The following PCDHGA1 variants were observed in gnomAD, a reference collection of about 807,000 sequenced individuals.
PCDHGA1 encodes protocadherin gamma-A1.
A neutral mutation model predicts 58.0 loss-of-function variants in PCDHGA1; 32 were observed. The ratio of observed to expected loss-of-function variants is 0.55; its 90% CI spans 0.42 to 0.74. The LOEUF (loss-of-function observed/expected upper bound fraction) is 0.74. Ranked by LOEUF, PCDHGA1 falls within the 30% of genes least tolerant of loss-of-function variation. The probability of loss-of-function intolerance (pLI) is 0.00; values close to 1 mark genes in which losing one functional copy is unlikely to be tolerated. For synonymous variants in PCDHGA1, 498 were observed against 501.1 expected (o/e 0.99, Z 0.08); for missense variants, 1,205 against 1,182.3 (o/e 1.02, Z -0.28).
At chr5:141,393,715 T>C in intron 1 of PCDHGA1, 1 of 1,613,746 alleles carries the variant, frequency 6.2e-7, no homozygotes, top group South Asian at 1.1e-5. Flanking sequence ...ACTGGGGAAA[T>C]ATCAATAGCA....
At position 141,491,117 on chromosome 5, in the gene PCDHGA1, G is replaced by A; in HGVS notation, c.2422-3690G>A. ...CTGTTCCTCGTGTCTACACACACTGGTGAGGTGCGCACAGCCCGGGCCTTA... is the reference window on the plus strand; with the variant it reads ...CTGTTCCTCGTGTCTACACACACTGATGAGGTGCGCACAGCCCGGGCCTTA... On this transcript the variant is annotated intron_variant, in intron 1 of 3. Coordinates refer to ENST00000517417, the MANE Select transcript of PCDHGA1 (RefSeq NM_018912.3). The surrounding 1 kb of genome is among the most constrained non-coding windows in gnomAD (Gnocchi z 6.9). 1 of 1,614,196 alleles carries A rather than the reference G, an allele frequency of 6.2e-7. No homozygotes were observed.
Position 141,476,755 on chromosome 5 carries a change from G to A in PCDHGA1, c.2422-18052G>A, listed in dbSNP as rs1307512875. The stretch of plus-strand genomic sequence containing the variant: ...AACGGGAGCCTAGTCTCCAGTTAGT[G>A]CTGACGGCGTTGGACGGAGGGACCC... On this transcript the variant is annotated intron_variant, in intron 1 of 3. Coordinates refer to ENST00000517417, the MANE Select transcript of PCDHGA1 (RefSeq NM_018912.3). This position sits in a 1 kb window ranked among gnomAD's most constrained non-coding sequence, Gnocchi z 7.6. 1.2e-6 allele frequency: 2 copies of A among 1,613,828 alleles called. No homozygotes were observed. Among genetic ancestry groups the A allele is most frequent in the Non-Finnish European group, 1.7e-6 (2 of 1,180,036 alleles).
chr5:141,489,275 A>C lies in PCDHGA1; in HGVS notation c.2422-5532A>C. On this transcript the variant is annotated intron_variant, in intron 1 of 3. Transcript: ENST00000517417. This position sits in a 1 kb window ranked among gnomAD's most constrained non-coding sequence, Gnocchi z 4.5. ...AAGACACTCCCACAGCTCGCTGGGA[A>C]ATGGCAAGTGCTGTGCATGTTGTCC... The C allele has an allele frequency of 4.5e-6, 7 of 1,556,298 alleles. No individual in the cohort carries two copies. Among genetic ancestry groups the C allele is most frequent in the Non-Finnish European group, 6.1e-6 (7 of 1,151,600 alleles).
intron 1 of PCDHGA1, chr5:141,379,151 G>A (rs1015357697): frequency 4.6e-5 from 7 of 152,166 alleles, no homozygotes; most frequent in Admixed American, 6.5e-5. Flanking sequence ...TTTGTAACCT[G>A]ACTTTGTCAG....
At chr5:141,375,926 G>T (rs1450226627) in intron 1 of PCDHGA1, 1 of 1,613,758 alleles carries the variant, frequency 6.2e-7, no homozygotes, top group South Asian at 1.1e-5. Flanking sequence ...CAGCGAGCCA[G>T]GACTTTTCTC....
chr5:141,440,883 T>C (rs1435173649), intron 1 of PCDHGA1: 4 of 152,178 alleles, frequency 2.6e-5, no homozygotes, highest in Non-Finnish European at 5.9e-5. Flanking sequence ...AGCGTCGGCC[T>C]TCAGGAAGAT....
At chr5:141,478,449 C>A in intron 1 of PCDHGA1, 1 of 1,613,540 alleles carries the variant, frequency 6.2e-7, no homozygotes. Context: ...AAACCTGGTG[C>A]AGCCAGTCCA....
chr5:141,493,346 C>T lies in PCDHGA1; in HGVS notation c.2422-1461C>T, dbSNP rs766845200. Among the ~76,000 whole-genome samples, 5 of 152,172 alleles carry T rather than the reference C, an allele frequency of 3.3e-5. No individual in the cohort carries two copies. Among genetic ancestry groups the T allele is most frequent in the Non-Finnish European group, 7.3e-5 (5 of 68,028 alleles). On this transcript the variant is annotated intron_variant, in intron 1 of 3. Coordinates refer to ENST00000517417, the MANE Select transcript of PCDHGA1 (RefSeq NM_018912.3). The surrounding 1 kb of genome is among the most constrained non-coding windows in gnomAD (Gnocchi z 4.3). Reference sequence around the variant, plus strand: ...CCCCTGTCTAACTCCAGAATGTGTGCTTTTAATTTCTTGGCACTTGGAACT... The same window carrying T: ...CCCCTGTCTAACTCCAGAATGTGTGTTTTTAATTTCTTGGCACTTGGAACT...
intron 1 of PCDHGA1, among the ~76,000 whole-genome samples, chr5:141,460,093 A>T (rs2098981983): frequency 6.6e-6 from 1 of 151,964 alleles, no homozygotes. Flanking sequence ...TAATAATTAT[A>T]CATGTAATTA....
intron 1 of PCDHGA1, chr5:141,355,806 C>G (rs1759989019): frequency 6.2e-7 from 1 of 1,613,258 alleles, no homozygotes; most frequent in East Asian, 2.2e-5. Flanking sequence ...CTCTAGATCG[C>G]GAGGAAGAGG....
chr5:141,455,856 TTTTATTA>T (rs1315325745), intron 1 of PCDHGA1, among the ~76,000 whole-genome samples: 1 of 146,240 alleles, frequency 6.8e-6, no homozygotes, highest in East Asian at 2.0e-4. Flanking sequence ...AAATAATTTC[TTTTATTA>T]TTTATTTATT....
At chr5:141,481,647 A>C (rs749515062) in intron 1 of PCDHGA1, among the ~76,000 whole-genome samples, 28 of 151,830 alleles carry the variant, frequency 1.8e-4, no homozygotes, top group African/African-American at 6.5e-4. Context: ...GTGAAACTTC[A>C]TCTCTACTAA....
intron 1 of PCDHGA1, among the ~76,000 whole-genome samples, chr5:141,456,584 A>G (rs990911693): frequency 6.6e-6 from 1 of 152,212 alleles, no homozygotes; most frequent in Non-Finnish European, 1.5e-5. Flanking sequence ...TGAGCCTGTC[A>G]ATAATTTTGA....
chr5:141,370,282 G>C (rs1485340521), intron 1 of PCDHGA1: 2 of 938,746 alleles, frequency 2.1e-6, no homozygotes, highest in East Asian at 2.6e-5. Context: ...ACACCCATTA[G>C]AGAACCCAAG....
chr5:141,482,767 A>AGCTAGTACTATAATTATTTTTATTAGTTC (rs1370824281), intron 1 of PCDHGA1, among the ~76,000 whole-genome samples: 2 of 150,588 alleles, frequency 1.3e-5, no homozygotes, highest in African/African-American at 2.5e-5. Context: ...TTTCATTATC[A>AGCTAGTACTATAATTATTTTTATTAGTTC]CTGAACCTTA....
At chr5:141,470,574 CA>C (rs1369567985) in intron 1 of PCDHGA1, among the ~76,000 whole-genome samples, 1 of 152,188 alleles carries the variant, frequency 6.6e-6, no homozygotes, top group Non-Finnish European at 1.5e-5. Flanking sequence ...CAAGCAGGAT[CA>C]ACTTCATAGG....
At chr5:141,435,024 C>T (rs1263332887) in intron 1 of PCDHGA1, among the ~76,000 whole-genome samples, 3 of 151,970 alleles carry the variant, frequency 2.0e-5, no homozygotes, top group Non-Finnish European at 4.4e-5. Context: ...ATGCTCTTTT[C>T]CCACTTTTAT....
intron 1 of PCDHGA1, chr5:141,418,857 T>G (rs1378155402): frequency 6.2e-7 from 1 of 1,613,988 alleles, no homozygotes; most frequent in South Asian, 1.1e-5. Context: ...CGGTGTAAAG[T>G]AATTGTAGAA....
intron 1 of PCDHGA1, chr5:141,364,663 G>A: frequency 6.2e-7 from 1 of 1,614,042 alleles, no homozygotes; most frequent in Non-Finnish European, 8.5e-7. Flanking sequence ...TCTTGGTTGA[G>A]AACAAAATGA....
Sources: gnomAD v4.1 joint callset for allele counts (sites outside exome capture counted in the v4.1 genomes callset) on GRCh38, gnomAD v4.1.1 for gene constraint, Gnocchi (gnomAD v3.1) non-coding constraint, MANE v1.5 for transcripts, NCBI Gene and HGNC (gene_info 2026-07-23, HGNC 2026-07-21) for gene names.